Variants in SWT1 observed in about 807,000 individuals in gnomAD.
SWT1 encodes transcriptional protein SWT1.
In SWT1, 33 loss-of-function variants were observed where a neutral mutation model predicts 107.3. That is an observed-to-expected ratio of 0.31 (90% confidence interval 0.23 to 0.41). The LOEUF (loss-of-function observed/expected upper bound fraction) is 0.41. Ranked by LOEUF, SWT1 falls within the 10% of genes least tolerant of loss-of-function variation. SWT1 has a pLI of 1.00. For synonymous variants in SWT1, 345 were observed against 348.3 expected (o/e 0.99, Z 0.11); for missense variants, 898 against 1,028.9 (o/e 0.87, Z 1.74).
At chr1:185,219,883 C>T (rs952924327) in intron 14 of SWT1, among the ~76,000 whole-genome samples, 1 of 152,006 alleles carries the variant, frequency 6.6e-6, no homozygotes, top group African/African-American at 2.4e-5. Flanking sequence ...TGCCTGTAAT[C>T]CCAGCACTTT....
chr1:185,159,083 A>C (rs917560808), intron 1 of SWT1, among the ~76,000 whole-genome samples: 2 of 152,234 alleles, frequency 1.3e-5, no homozygotes, highest in African/African-American at 4.8e-5. Context: ...GACTTTCCCT[A>C]GAGTGAGCAG....
At chr1:185,235,755 G>T (rs574636694) in intron 16 of SWT1, among the ~76,000 whole-genome samples, 1 of 152,250 alleles carries the variant, frequency 6.6e-6, no homozygotes, top group East Asian at 1.9e-4. Context: ...AAGAGAAGAG[G>T]TCAAATTGTC....
At position 185,231,611 on chromosome 1, in the gene SWT1, G is replaced by C. The variant is rs1660512936; in HGVS notation, c.2344G>C (p.Ala782Pro). 6.2e-7 allele frequency: 1 copy of C among 1,610,726 alleles called. No individual in the cohort carries two copies. The highest frequency in any genetic ancestry group is 1.3e-5 in the African/African-American group (1 of 74,780). The change falls in exon 16 of 19, where the codon GCT becomes CCT. Residue 782 changes from alanine to proline, a missense_variant. This residue lies in a region of SWT1 where 382 missense variants were observed against 460.0 expected (regional missense o/e 0.83). Coordinates refer to ENST00000367500, the MANE Select transcript of SWT1 (RefSeq NM_017673.7). ...DVFQRLGSNS[A>P]LTTSNIASFE... ...ATTTCAAAGATTGGGCTCAAATTCA[G>C]CTCTGACTACTTCAAATATAGCATC...
At chr1:185,254,103 C>T (rs1662278120) in intron 16 of SWT1, among the ~76,000 whole-genome samples, 1 of 112,378 alleles carries the variant, frequency 8.9e-6, no homozygotes, top group African/African-American at 4.2e-5. Context: ...GTATATTGAA[C>T]CAGCCTTGCA....
At chr1:185,206,939 G>A (rs1658382128) in intron 13 of SWT1, among the ~76,000 whole-genome samples, 176 bp downstream of exon 13, 1 of 152,166 alleles carries the variant, frequency 6.6e-6, no homozygotes, top group Admixed American at 6.5e-5. Context: ...AGCTCATAGA[G>A]CTATGTATTT....
intron 16 of SWT1, among the ~76,000 whole-genome samples, chr1:185,258,428 A>T (rs1662777954): frequency 6.6e-6 from 1 of 152,112 alleles, no homozygotes. Context: ...GTTTTTTAAA[A>T]ATTTCCATTG....
At chr1:185,202,496 A>G (rs1417608588) in intron 10 of SWT1, among the ~76,000 whole-genome samples, 158 bp from the exon 11 acceptor site, 1 of 152,102 alleles carries the variant, frequency 6.6e-6, no homozygotes, top group Non-Finnish European at 1.5e-5. Flanking sequence ...GGTGCCTAGT[A>G]CCCAAAGCTC....
At chr1:185,238,055 C>T (rs893008099) in intron 16 of SWT1, among the ~76,000 whole-genome samples, 1 of 151,586 alleles carries the variant, frequency 6.6e-6, no homozygotes, top group African/African-American at 2.4e-5. Flanking sequence ...GGAGCAATCA[C>T]GGCTCACTGT....
rs1045892327 is a variant in SWT1 at position 185,206,480 on chromosome 1, T to C, written c.1834-145T>C. The C allele has an allele frequency of 8.5e-6, 4 of 471,846 alleles. No homozygotes were observed. The Admixed American group carries it at 1.2e-4, about 14-fold the overall frequency. 29.2% of individuals were successfully genotyped at this position (471,846 alleles called of 1,614,324 possible). A position where few individuals can be genotyped will look rare whatever the true frequency, so the allele number is the denominator to read the frequency against. ...CAATGGAATTAGCATTTTAATGTTA[T>C]GATTGACTTTACATCTTTTAATTTA... On this transcript the variant is annotated intron_variant, in intron 12 of 18. Coordinates refer to ENST00000367500, the MANE Select transcript of SWT1 (RefSeq NM_017673.7).
chr1:185,182,668 CAAAAAA>C (rs59326029), intron 7 of SWT1, among the ~76,000 whole-genome samples: 26 of 67,036 alleles, frequency 3.9e-4, no homozygotes, highest in African/African-American at 1.3e-3. Flanking sequence ...CTCTCTCTCT[CAAAAAA>C]AAAAAAAAAA....
At chr1:185,184,403 T>C in intron 8 of SWT1, 59 bp downstream of exon 8, 5 of 1,004,508 alleles carry the variant, frequency 5.0e-6, no homozygotes, top group Non-Finnish European at 7.4e-6. Flanking sequence ...TATTTTATAT[T>C]AACAATGATG....
At chr1:185,165,955 G>C (rs950860917) in intron 2 of SWT1, among the ~76,000 whole-genome samples, 1 of 152,146 alleles carries the variant, frequency 6.6e-6, no homozygotes, top group African/African-American at 2.4e-5. Flanking sequence ...TTAAAATGGC[G>C]AGTCTTCCCC....
intron 6 of SWT1, among the ~76,000 whole-genome samples, chr1:185,180,948 C>T (rs916523572): frequency 3.3e-5 from 5 of 152,140 alleles, no homozygotes; most frequent in Non-Finnish European, 7.3e-5. Context: ...AGATGAGATT[C>T]GTGGAACACT....
At position 185,206,752 on chromosome 1, in the gene SWT1, A is replaced by G; in HGVS notation, c.1961A>G (p.Asn654Ser). ...TTAACTATTGAGAGCCTATACAAAA[A>G]TCTCCGTAAAGGTATGAATCTTTTA... ...LLLTIESLYK[N>S]LRKANKAVDF... The change falls in exon 13 of 19, where the codon AAT (asparagine) becomes AGT (serine). Residue 654 changes from asparagine (N) to serine (S), a missense_variant. Physicochemically the swap from Asn to Ser is conservative, Grantham distance 46. Coordinates refer to ENST00000367500, the MANE Select transcript of SWT1 (RefSeq NM_017673.7). 1 of 1,596,648 alleles carries G rather than the reference A, an allele frequency of 6.3e-7. No individual in the cohort carries two copies. The highest frequency in any genetic ancestry group is 8.5e-7 in the Non-Finnish European group (1 of 1,172,818).
chr1:185,177,493 A>G (rs974576552), intron 5 of SWT1, among the ~76,000 whole-genome samples: 1 of 152,206 alleles, frequency 6.6e-6, no homozygotes, highest in Admixed American at 6.5e-5. Flanking sequence ...AGATAGCAGC[A>G]TTATCAGGCT....
intron 16 of SWT1, among the ~76,000 whole-genome samples, chr1:185,249,877 C>G (rs780129453): frequency 6.6e-6 from 1 of 152,168 alleles, no homozygotes; most frequent in Non-Finnish European, 1.5e-5. Flanking sequence ...ATTGAGGAGC[C>G]TCCTCAAGCT....
At chr1:185,233,414 T>C (rs2102577534) in intron 16 of SWT1, among the ~76,000 whole-genome samples, 1 of 152,346 alleles carries the variant, frequency 6.6e-6, no homozygotes, top group South Asian at 2.1e-4. Flanking sequence ...TTTAGATCTT[T>C]CCTGCTTTCT....
chr1:185,266,324 A>G (rs1571663725), intron 16 of SWT1, among the ~76,000 whole-genome samples: 1 of 152,366 alleles, frequency 6.6e-6, no homozygotes, highest in East Asian at 1.9e-4. Flanking sequence ...TTGGCCTCCC[A>G]AAGTGCTGGG....
intron 2 of SWT1, among the ~76,000 whole-genome samples, chr1:185,163,998 G>A (rs1246501293): frequency 6.6e-6 from 1 of 152,100 alleles, no homozygotes; most frequent in Non-Finnish European, 1.5e-5. Flanking sequence ...CTTACAATAT[G>A]TATTTTTTAA....
Sources: allele counts gnomAD v4.1 joint callset (sites outside exome capture counted in the v4.1 genomes callset), GRCh38; gene constraint gnomAD v4.1.1; regional missense constraint gnomAD v4.1.1; transcripts MANE v1.5; gene names NCBI Gene and HGNC (gene_info 2026-07-23, HGNC 2026-07-21).